EYS: variants seen among roughly 807,000 people sequenced by gnomAD.
EYS encodes the protein protein eyes shut homolog.
EYS carries 250 observed loss-of-function variants against 282.1 expected under a neutral mutation model. The observed-to-expected ratio is 0.89, with a 90% CI of 0.80 to 0.98. EYS has a LOEUF of 0.98. Ranked by LOEUF, EYS falls within the 50% of genes least tolerant of loss-of-function variation. EYS has a pLI of 0.00. For missense variants in EYS, 4,016 were observed against 3,709.0 expected, an observed-to-expected ratio of 1.08 and a Z score of -2.15; for synonymous variants, 1,355 against 1,282.9, an observed-to-expected ratio of 1.06 and a Z score of -1.20.
At chr6:64,540,577 G>A (rs1251954469) in intron 26 of EYS, among the ~76,000 whole-genome samples, 1 of 148,506 alleles carries the variant, frequency 6.7e-6, no homozygotes, top group Non-Finnish European at 1.5e-5. Context: ...CTGCTTCCCA[G>A]GTTCAAGCAA....
intron 33 of EYS, 132 bp from the exon 34 acceptor site, chr6:63,999,315 C>A (rs1450851935): frequency 1.0e-5 from 7 of 692,186 alleles, no homozygotes; most frequent in Non-Finnish European, 1.6e-5. Context: ...GAAATATGGA[C>A]CCAGCCAAGT....
chr6:64,019,824 GTATATATA>G (rs199565163), intron 33 of EYS, among the ~76,000 whole-genome samples: 1 of 138,062 alleles, frequency 7.2e-6, no homozygotes, highest in Non-Finnish European at 1.5e-5. Flanking sequence ...GTATATATAA[GTATATATA>G]TATATATGTA....
intron 40 of EYS, among the ~76,000 whole-genome samples, chr6:63,768,781 C>T (rs1222382069): frequency 6.6e-6 from 1 of 151,954 alleles, no homozygotes; most frequent in Non-Finnish European, 1.5e-5. Flanking sequence ...TGTATGTTAA[C>T]CGCAGCACTA....
intron 31 of EYS, among the ~76,000 whole-genome samples, chr6:64,140,382 C>T (rs1774302302): frequency 6.6e-6 from 1 of 152,164 alleles, no homozygotes; most frequent in Non-Finnish European, 1.5e-5. Context: ...GTGGTTTATT[C>T]ACACAGCATA....
chr6:63,833,783 A>G (rs1201840861), intron 36 of EYS, among the ~76,000 whole-genome samples: 1 of 152,088 alleles, frequency 6.6e-6, no homozygotes, highest in Non-Finnish European at 1.5e-5. Flanking sequence ...CAAAGCTGGA[A>G]GCATCACGCT....
At chr6:65,370,295 C>A (rs1399225716) in intron 8 of EYS, among the ~76,000 whole-genome samples, 1 of 132,676 alleles carries the variant, frequency 7.5e-6, no homozygotes, top group Non-Finnish European at 1.5e-5. Context: ...TACTCTATTA[C>A]CCCAGGATGA....
At chr6:64,830,621 C>A (rs1765184968) in intron 19 of EYS, among the ~76,000 whole-genome samples, 1 of 151,826 alleles carries the variant, frequency 6.6e-6, no homozygotes, top group Admixed American at 6.6e-5. Flanking sequence ...GATGCAGTAC[C>A]AAGATCAACT....
rs142191463 is a variant in EYS, at chr6:64,685,490, A to G, written c.3444-59245T>C. On this transcript the variant is annotated intron_variant, in intron 22 of 42. Coordinates refer to ENST00000503581, the MANE Select transcript of EYS (RefSeq NM_001142800.2). Reference sequence around the variant, plus strand: ...AGACTAATGTTTTGGGGTGGTGGTGAGTGAGTTCCAACTCTGTAGTTTCCA... The same window carrying G: ...AGACTAATGTTTTGGGGTGGTGGTGGGTGAGTTCCAACTCTGTAGTTTCCA... Among the ~76,000 whole-genome samples the G allele has an allele frequency of 7.2e-4, 109 of 152,176 alleles. 3 individuals carry two copies. In the East Asian group the frequency reaches 0.015, roughly 21 times the overall value.
chr6:65,077,517 TAA>T (rs1480089048), intron 12 of EYS, among the ~76,000 whole-genome samples: 3 of 152,110 alleles, frequency 2.0e-5, no homozygotes, highest in African/African-American at 7.2e-5. Context: ...ATAAATGCAT[TAA>T]GTTAGATATA....
At chr6:64,947,605 G>A (rs1227766939) in intron 14 of EYS, among the ~76,000 whole-genome samples, 1 of 148,432 alleles carries the variant, frequency 6.7e-6, no homozygotes, top group Non-Finnish European at 1.5e-5. Flanking sequence ...TCCTCCATGA[G>A]TGTGGTAACA....
chr6:65,293,797 G>C (rs1391030500), intron 12 of EYS, among the ~76,000 whole-genome samples: 2 of 151,796 alleles, frequency 1.3e-5, no homozygotes, highest in African/African-American at 2.4e-5. Context: ...TGATCCTCTG[G>C]GCTGGAGATA....
At chr6:65,605,242 T>C (rs549001107) in intron 2 of EYS, among the ~76,000 whole-genome samples, 1 of 151,838 alleles carries the variant, frequency 6.6e-6, no homozygotes, top group South Asian at 2.1e-4. Context: ...CAATTAAAAA[T>C]TGCATTGACA....
intron 29 of EYS, among the ~76,000 whole-genome samples, chr6:64,383,195 G>C (rs575686599): frequency 5.3e-5 from 8 of 152,234 alleles, no homozygotes; most frequent in East Asian, 3.9e-4. Context: ...CAGCTACTAG[G>C]GGGGCTGAGG....
intron 37 of EYS, among the ~76,000 whole-genome samples, chr6:63,795,074 GA>G (rs1022486493): frequency 3.3e-5 from 5 of 151,946 alleles, no homozygotes; most frequent in African/African-American, 7.2e-5. Flanking sequence ...GAATGCACAG[GA>G]AAAAAAACTG....
intron 35 of EYS, among the ~76,000 whole-genome samples, chr6:63,925,773 A>T (rs989366745): frequency 6.6e-6 from 1 of 152,192 alleles, no homozygotes; most frequent in Non-Finnish European, 1.5e-5. Context: ...CCTCCCGAGT[A>T]GTTGGGATTA....
chr6:63,909,800 A>G (rs1371742381), intron 35 of EYS, among the ~76,000 whole-genome samples: 1 of 152,176 alleles, frequency 6.6e-6, no homozygotes, highest in African/African-American at 2.4e-5. Flanking sequence ...AGCTGGTAGA[A>G]GGTGTCATCT....
chr6:65,152,011 T>G (rs966403931), intron 12 of EYS, among the ~76,000 whole-genome samples: 1 of 151,954 alleles, frequency 6.6e-6, no homozygotes, highest in Non-Finnish European at 1.5e-5. Flanking sequence ...TTAGTGAAAA[T>G]TACTTAATAA....
intron 30 of EYS, among the ~76,000 whole-genome samples, chr6:64,259,741 A>G (rs1021131544): frequency 2.0e-5 from 3 of 151,634 alleles, no homozygotes; most frequent in African/African-American, 4.8e-5. Context: ...TCCTATTGCA[A>G]TCGTCTTGAA....
chr6:64,759,483 A>C (rs917587861), intron 22 of EYS, among the ~76,000 whole-genome samples: 3 of 152,228 alleles, frequency 2.0e-5, no homozygotes, highest in Non-Finnish European at 2.9e-5. Context: ...TATAAAACAA[A>C]TTGTATAAGC....
Sources: allele counts gnomAD v4.1 joint callset (sites outside exome capture counted in the v4.1 genomes callset), GRCh38; gene constraint gnomAD v4.1.1; transcripts MANE v1.5; gene names NCBI Gene and HGNC (gene_info 2026-07-23, HGNC 2026-07-21).